Variants in ZNF202 observed in about 807,000 individuals in gnomAD.
The protein encoded by ZNF202 is zinc finger protein with KRAB and SCAN domains 10.
A neutral mutation model predicts 54.5 loss-of-function variants in ZNF202; 22 were observed. That is an observed-to-expected ratio of 0.40 (90% confidence interval 0.29 to 0.58). ZNF202 has a LOEUF of 0.58. Among genes scored for constraint, ZNF202 ranks in the 20% least tolerant of loss-of-function variants. ZNF202 has a pLI of 0.39. For missense variants in ZNF202, 644 were observed against 805.5 expected (o/e 0.80, Z 2.43); for synonymous variants, 294 against 301.4 (o/e 0.98, Z 0.26).
chr11:123,725,872 T>C lies in ZNF202; in HGVS notation c.*125A>G. ...TGTTTAGTTGCAGGAAGAGGTAATGTCAGATCTGAGCAGGTCAGGGAGACT... is the reference window on the plus strand; with the variant it reads ...TGTTTAGTTGCAGGAAGAGGTAATGCCAGATCTGAGCAGGTCAGGGAGACT... On this transcript the variant is annotated 3_prime_UTR_variant, in exon 9 of 9. Transcript: ENST00000530393. The C allele has an allele frequency of 2.6e-6, 3 of 1,140,806 alleles. No individual in the cohort carries two copies. Among genetic ancestry groups the C allele is most frequent in the Non-Finnish European group, 2.4e-6 (2 of 827,758 alleles). The allele number at this position is 1,140,806 out of a possible 1,614,324, so 70.7% of individuals were successfully genotyped here.
chr11:123,741,248 T>C (rs1007838249), intron 1 of ZNF202, among the ~76,000 whole-genome samples: 1 of 152,072 alleles, frequency 6.6e-6, no homozygotes, highest in Non-Finnish European at 1.5e-5. Flanking sequence ...ACGGACTAAC[T>C]ACATTTCTGC....
intron 3 of ZNF202, chr11:123,739,647 C>T (rs957804796): frequency 3.9e-5 from 6 of 152,244 alleles, no homozygotes; most frequent in Admixed American, 3.3e-4. Flanking sequence ...CTTAATTTTG[C>T]GAACAAAATA....
At chr11:123,736,990 G>T (rs1283780961) in intron 3 of ZNF202, among the ~76,000 whole-genome samples, 1 of 152,010 alleles carries the variant, frequency 6.6e-6, no homozygotes, top group African/African-American at 2.4e-5. Flanking sequence ...CAAAAAAACA[G>T]ATGGCATAAG....
In ZNF202 at chr11:123,726,880, T is replaced by A; in HGVS notation, c.1064A>T (p.Glu355Val). The A allele has an allele frequency of 6.2e-7, 1 of 1,614,214 alleles. No individual in the cohort carries two copies. Among genetic ancestry groups the A allele is most frequent in the Non-Finnish European group, 8.5e-7 (1 of 1,180,028 alleles). ...EPEIHQTPDW[E>V]IVFEDNPGRL... The stretch of plus-strand genomic sequence containing the variant: ...ACCTGGATTGTCCTCAAAGACTATT[T>A]CCCAATCTGGAGTCTGGTGAATTTC... Residue 355 changes from glutamate (E) to valine (V), a missense_variant, in exon 9 of 9, where the codon GAA becomes GTA. Physicochemically the swap from Glu to Val is moderately radical, Grantham distance 121 (BLOSUM62 -2). Around this residue, in one of 3 missense-constraint regions of ZNF202, gnomAD observed 536 missense variants for 635.3 expected, o/e 0.84. Transcript: ENST00000530393. The surrounding 1 kb of genome is among the most constrained non-coding windows in gnomAD (Gnocchi z 6.0).
At chr11:123,738,631 GAA>G (rs1861731631) in intron 3 of ZNF202, 2 of 152,184 alleles carry the variant, frequency 1.3e-5, no homozygotes, top group African/African-American at 4.8e-5. Context: ...ATAGTCAGAG[GAA>G]CCATCATTTA....
In ZNF202 at chr11:123,738,429, A is replaced by C. The variant is rs148364828; in HGVS notation, c.-98+1688T>G. ...CAGGAAAACTACCCCAGAGCAGTTA[A>C]TGGCCTAAATAAAGGAGGTCAAGCT... is the stretch of plus-strand genomic sequence containing the variant. On this transcript the variant is annotated intron_variant, in intron 3 of 8. Transcript: ENST00000530393. Among the ~76,000 whole-genome samples, 171 of 152,346 alleles carry C rather than the reference A, an allele frequency of 1.1e-3. 2 individuals carry two copies. The highest frequency in any genetic ancestry group is 5.6e-3 in the East Asian group (29 of 5,180).
At chr11:123,732,245 A>T (rs1483978765) in intron 3 of ZNF202, among the ~76,000 whole-genome samples, 1 of 152,144 alleles carries the variant, frequency 6.6e-6, no homozygotes, top group East Asian at 1.9e-4. Flanking sequence ...GATCAGAACG[A>T]GCTCTCTTGG....
intron 1 of ZNF202, 120 bp downstream of exon 1, chr11:123,741,427 CCA>C (rs1344538745): frequency 6.6e-6 from 1 of 152,404 alleles, no homozygotes; most frequent in African/African-American, 2.4e-5. Flanking sequence ...GGCGATTTCC[CCA>C]GACTCTGGGG....
In ZNF202 at chr11:123,729,202, G is replaced by C. The variant is rs1861291622; in HGVS notation, c.626C>G (p.Pro209Arg). The C allele has an allele frequency of 1.2e-6, 2 of 1,613,418 alleles. No homozygotes were observed. Among genetic ancestry groups the C allele is most frequent in the African/African-American group, 2.7e-5 (2 of 74,888 alleles). ...CTCTGCAGGAAGGTCTGGGTCCTCG[G>C]GCACTGGGACCTCTATGAAGAAAAG... Reference protein sequence around the residue: ...QTLQESEVPVPEDPDLPAERS... With the variant: ...QTLQESEVPVREDPDLPAERS... Residue 209 changes from proline (P) to arginine (R), a missense_variant, in exon 6 of 9, where the codon CCC (proline) becomes CGC (arginine). Around this residue, in one of 3 missense-constraint regions of ZNF202, gnomAD observed 536 missense variants for 635.3 expected, o/e 0.84. Transcript: ENST00000530393.
rs750355274 is a variant in ZNF202, at chr11:123,726,233, C to T, written c.1711G>A (p.Gly571Arg). Reference protein sequence around the residue: ...AEELYLCSECGRCFTHSAAFA... With the variant: ...AEELYLCSECRRCFTHSAAFA... Reference sequence around the variant, plus strand: ...GCTGCGCTGTGGGTGAAGCAGCGCCCGCACTCGCTGCAGAGGTAGAGTTCC... The same window carrying T: ...GCTGCGCTGTGGGTGAAGCAGCGCCTGCACTCGCTGCAGAGGTAGAGTTCC... The change falls in exon 9 of 9, where the codon GGG becomes AGG. Residue 571 changes from glycine (G) to arginine (R), a missense_variant. By Grantham distance (125) the Gly-to-Arg change is moderately radical (BLOSUM62 -2). This residue lies in a region of ZNF202 where 536 missense variants were observed against 635.3 expected (regional missense o/e 0.84). Coordinates refer to ENST00000530393, the MANE Select transcript of ZNF202 (RefSeq NM_003455.4). This position sits in a 1 kb window ranked among gnomAD's most constrained non-coding sequence, Gnocchi z 6.0. 30 of 1,614,082 alleles carry T rather than the reference C, an allele frequency of 1.9e-5. No homozygotes were observed. The highest frequency in any genetic ancestry group is 1.6e-4 in the African/African-American group (12 of 74,940).
chr11:123,728,344 G>A (rs1861248728), intron 6 of ZNF202, 82 bp from the exon 7 acceptor site: 6 of 1,467,966 alleles, frequency 4.1e-6, no homozygotes, highest in Non-Finnish European at 5.4e-6. Context: ...CATACAATAG[G>A]TGGACTCCTC....
Position 123,730,357 on chromosome 11 carries a change from G to A in ZNF202, c.402+130C>T, listed in dbSNP as rs2282643. ...CATCCCCCTAATCCATGGGGCTCAT[G>A]GTATATGAGCAACCCAAGGGCAGAG... On this transcript the variant is annotated intron_variant, in intron 4 of 8. Coordinates refer to ENST00000530393, the MANE Select transcript of ZNF202 (RefSeq NM_003455.4). The surrounding 1 kb of genome is among the most constrained non-coding windows in gnomAD (Gnocchi z 6.0). 131,030 of 1,135,712 alleles carry A rather than the reference G, an allele frequency of 0.12. 8,199 individuals carry two copies. Among genetic ancestry groups the A allele is most frequent in the South Asian group, 0.23 (11,282 of 48,280 alleles). 70.4% of individuals were successfully genotyped at this position (1,135,712 alleles called of 1,614,324 possible).
At chr11:123,729,888 A>C (rs1861330448) in intron 4 of ZNF202, 63 bp from the exon 5 acceptor site, 1 of 1,500,432 alleles carries the variant, frequency 6.7e-7, no homozygotes. Flanking sequence ...TTGTCACGGG[A>C]GCTTATTTTA....
At position 123,730,556 on chromosome 11, in the gene ZNF202, T is replaced by C. The variant is rs1281863841; in HGVS notation, c.333A>G (p.Pro111=). 4 of 1,577,600 alleles carry C rather than the reference T, an allele frequency of 2.5e-6. No individual in the cohort carries two copies. The highest frequency in any genetic ancestry group is 3.4e-6 in the Non-Finnish European group (4 of 1,165,124). The part of the protein sequence containing the change: ...ELQSWVRGQR[P]ESGEEAVTLV... ...GCGTCACTGCCTCCTCGCCACTTTC[T>C]GGCCGTTGGCCCCGCACCCAGCTCT... Residue 111 remains proline, a synonymous_variant, in exon 4 of 9, where the codon CCA becomes CCG. Coordinates refer to ENST00000530393, the MANE Select transcript of ZNF202 (RefSeq NM_003455.4). This position sits in a 1 kb window ranked among gnomAD's most constrained non-coding sequence, Gnocchi z 6.0.
chr11:123,736,541 C>T (rs914116050), intron 3 of ZNF202, among the ~76,000 whole-genome samples: 15 of 152,286 alleles, frequency 9.8e-5, no homozygotes, highest in Middle Eastern at 3.4e-3. Flanking sequence ...AACTGTTAAC[C>T]GCTCTTTTCC....
rs748931209 is a variant in ZNF202, at chr11:123,730,601, G to A, written c.288C>T (p.Thr96=). 11 of 1,611,924 alleles carry A rather than the reference G, an allele frequency of 6.8e-6. No individual in the cohort carries two copies. Among genetic ancestry groups the A allele is most frequent in the Middle Eastern group, 1.6e-4 (1 of 6,062 alleles). Residue 96 remains threonine (T), a synonymous_variant, in exon 4 of 9, where the codon ACC becomes ACT. Transcript: ENST00000530393. This position sits in a 1 kb window ranked among gnomAD's most constrained non-coding sequence, Gnocchi z 6.0. Reference sequence around the variant, plus strand: ...AGCTCTGTAGTTCTCCAGGTAGGACGGTAAGAAATTGTTCCAGCACAAGCA... The same window carrying A: ...AGCTCTGTAGTTCTCCAGGTAGGACAGTAAGAAATTGTTCCAGCACAAGCA... ...LELLVLEQFL[T]VLPGELQSWV...
At chr11:123,728,030 A>C in intron 7 of ZNF202, 103 bp downstream of exon 7, 1 of 1,337,818 alleles carries the variant, frequency 7.5e-7, no homozygotes, top group Non-Finnish European at 1.0e-6. Context: ...AAGGCATAAG[A>C]GAAGTTCACT....
intron 4 of ZNF202, 58 bp from the exon 5 acceptor site, chr11:123,729,883 A>C: frequency 6.6e-7 from 1 of 1,516,172 alleles, no homozygotes; most frequent in Non-Finnish European, 8.8e-7. Flanking sequence ...CTTGGTTGTC[A>C]CGGGAGCTTA....
Position 123,730,522 on chromosome 11 carries a change from C to G in ZNF202, c.367G>C (p.Gly123Arg). ...SGEEAVTLVE[G>R]LQKQPRRPRR... The stretch of plus-strand genomic sequence containing the variant: ...GGTCTCCTGGGTTGTTTCTGCAAAC[C>G]CTCCACCAGCGTCACTGCCTCCTCG... Residue 123 changes from glycine to arginine, a missense_variant, in exon 4 of 9, where the codon GGT (glycine) becomes CGT (arginine). This residue lies in a region of ZNF202 where 62 missense variants were observed against 122.8 expected (regional missense o/e 0.50). Transcript: ENST00000530393. This position sits in a 1 kb window ranked among gnomAD's most constrained non-coding sequence, Gnocchi z 6.0. The G allele has an allele frequency of 6.5e-7, 1 of 1,545,328 alleles. No individual in the cohort carries two copies. Among genetic ancestry groups the G allele is most frequent in the Non-Finnish European group, 8.7e-7 (1 of 1,148,822 alleles).
Sources: allele counts gnomAD v4.1 joint callset (sites outside exome capture counted in the v4.1 genomes callset), GRCh38; gene constraint gnomAD v4.1.1; regional missense constraint gnomAD v4.1.1; non-coding constraint Gnocchi (gnomAD v3.1); transcripts MANE v1.5; gene names NCBI Gene and HGNC (gene_info 2026-07-23, HGNC 2026-07-21).